Variants in PCNT observed in about 807,000 individuals in gnomAD.
PCNT encodes pericentrin, also known as kendrin.
A neutral mutation model predicts 380.4 loss-of-function variants in PCNT; 319 were observed. The observed-to-expected ratio is 0.84, with a 90% confidence interval of 0.77 to 0.92. The LOEUF is 0.92. Among genes scored for constraint, PCNT ranks in the 40% least tolerant of loss-of-function variants. PCNT has a pLI of 0.00. For missense variants in PCNT, 4,400 were observed against 4,255.3 expected, an observed-to-expected ratio of 1.03 and a Z score of -0.95; for synonymous variants, 1,845 against 1,735.2, an observed-to-expected ratio of 1.06 and a Z score of -1.57.
At chr21:46,405,243 A>G (rs1045231467) in intron 27 of PCNT, among the ~76,000 whole-genome samples, 9 of 152,226 alleles carry the variant, frequency 5.9e-5, no homozygotes, top group African/African-American at 1.9e-4. Flanking sequence ...AAAAAAAATA[A>G]TTTTGGAGGG....
In PCNT at chr21:46,431,342, C is replaced by T. The variant is rs1250314463; in HGVS notation, c.8065-187C>T. On this transcript the variant is annotated intron_variant, in intron 37 of 46. Transcript: ENST00000359568. ...ATTTCCGAAAAAAGTATGTCATCTC[C>T]GCAGTCTGGGTTTTTTGTTACTTGA... The T allele has an allele frequency of 3.7e-5, 53 of 1,449,440 alleles. No individual in the cohort carries two copies. The East Asian group carries it at 4.0e-4, about 11-fold the overall frequency. The allele number at this position is 1,449,440 out of a possible 1,614,324, so 89.8% of individuals were successfully genotyped here. A position where few individuals can be genotyped will look rare whatever the true frequency, so the allele number is the denominator to read the frequency against.
intron 27 of PCNT, 69 bp from the exon 28 acceptor site, chr21:46,411,120 G>C (rs898999348): frequency 7.0e-7 from 1 of 1,438,138 alleles, no homozygotes; most frequent in Non-Finnish European, 9.8e-7. Context: ...AGGATGTAAC[G>C]TGCCCTGAAG....
intron 13 of PCNT, among the ~76,000 whole-genome samples, chr21:46,361,700 C>T (rs1017087092): frequency 2.0e-5 from 3 of 152,146 alleles, no homozygotes; most frequent in Admixed American, 6.5e-5. Context: ...GGCGTCATTC[C>T]CTTCAGCGTG....
chr21:46,432,456 G>T (rs1182885083), intron 38 of PCNT, among the ~76,000 whole-genome samples: 1 of 152,206 alleles, frequency 6.6e-6, no homozygotes, highest in Non-Finnish European at 1.5e-5. Context: ...AGCTCTGTGG[G>T]GCTTCTTGCT....
intron 13 of PCNT, among the ~76,000 whole-genome samples, chr21:46,361,247 C>T (rs1334198609): frequency 2.0e-5 from 3 of 151,994 alleles, no homozygotes; most frequent in Admixed American, 6.6e-5. Context: ...AAAAATTAGG[C>T]GAGTATGGTG....
intron 3 of PCNT, among the ~76,000 whole-genome samples, chr21:46,343,545 A>T (rs147102923): frequency 6.6e-6 from 1 of 152,092 alleles, no homozygotes; most frequent in Non-Finnish European, 1.5e-5. Context: ...AGATTTTTGC[A>T]TCTATGTTCA....
chr21:46,363,466 T>G lies in PCNT; in HGVS notation c.2155-14T>G. 1.9e-6 allele frequency: 3 copies of G among 1,599,780 alleles called. No homozygotes were observed. The highest frequency in any genetic ancestry group is 1.7e-6 in the Non-Finnish European group (2 of 1,167,590). On this transcript the variant is annotated splice_polypyrimidine_tract_variant and intron_variant, in intron 13 of 46. Coordinates refer to ENST00000359568, the MANE Select transcript of PCNT (RefSeq NM_006031.6). ...TAGCGTCTTTCCTCCTAAATGAAATTATGTTGTCTGTAGGTAAAACACAAT... is the reference window on the plus strand; with the variant it reads ...TAGCGTCTTTCCTCCTAAATGAAATGATGTTGTCTGTAGGTAAAACACAAT...
chr21:46,327,081 G>C (rs926706157), intron 2 of PCNT, among the ~76,000 whole-genome samples: 9 of 150,502 alleles, frequency 6.0e-5, no homozygotes, highest in African/African-American at 2.2e-4. Context: ...ATTTTTTTGA[G>C]ATGGATTCTC....
chr21:46,399,847 C>A, intron 25 of PCNT, 51 bp downstream of exon 25: 9 of 1,481,348 alleles, frequency 6.1e-6, no homozygotes, highest in Non-Finnish European at 7.6e-6. Context: ...GTCCCGCAGG[C>A]ATGGCTTCAT....
chr21:46,340,857 A>G (rs1259917150), intron 3 of PCNT, among the ~76,000 whole-genome samples: 1 of 151,934 alleles, frequency 6.6e-6, no homozygotes, highest in African/African-American at 2.4e-5. Context: ...TTTTTTTAGT[A>G]GAGACGGGGT....
intron 32 of PCNT, among the ~76,000 whole-genome samples, chr21:46,424,189 G>T (rs913800112): frequency 1.3e-5 from 2 of 152,210 alleles, no homozygotes; most frequent in Admixed American, 6.5e-5. Flanking sequence ...ATGCTGAGGA[G>T]GCTGAGAGGT....
chr21:46,411,477 C>G lies in PCNT; in HGVS notation c.5404C>G (p.Leu1802Val), dbSNP rs1341239355. The change falls in exon 28 of 47, where the codon CTG (leucine) becomes GTG (valine). Residue 1802 changes from leucine (L) to valine (V), a missense_variant. Transcript: ENST00000359568. ...LEAALEAKEA[L>V]SRLLADQERR... ...GGCTGCGCTGGAAGCCAAGGAGGCCCTGAGCCGGCTGCTGGCTGACCAGGA... is the reference window on the plus strand; with the variant it reads ...GGCTGCGCTGGAAGCCAAGGAGGCCGTGAGCCGGCTGCTGGCTGACCAGGA... The G allele has an allele frequency of 5.6e-6, 9 of 1,609,548 alleles. No homozygotes were observed. Among genetic ancestry groups the G allele is most frequent in the Non-Finnish European group, 6.8e-6 (8 of 1,178,710 alleles).
chr21:46,420,402 T>G (rs2087202767), intron 31 of PCNT, among the ~76,000 whole-genome samples: 1 of 152,256 alleles, frequency 6.6e-6, no homozygotes, highest in Non-Finnish European at 1.5e-5. Flanking sequence ...GTGTTCTGTT[T>G]CTGTGCTCAT....
intron 43 of PCNT, among the ~76,000 whole-genome samples, 164 bp from the exon 44 acceptor site, chr21:46,442,333 C>T (rs1012130211): frequency 5.3e-5 from 8 of 151,962 alleles, no homozygotes; most frequent in Non-Finnish European, 1.0e-4. Flanking sequence ...TGTGTGCACC[C>T]GGCATGCCAG....
In PCNT at chr21:46,330,682, G is replaced by A. The variant is rs573656383; in HGVS notation, c.268-3715G>A. The stretch of plus-strand genomic sequence containing the variant: ...ATTTCATGATATTTGAGTTTAGTAT[G>A]CCTTTAATCCAGTTGTAGATGTTAA... On this transcript the variant is annotated intron_variant, in intron 2 of 46. Coordinates refer to ENST00000359568, the MANE Select transcript of PCNT (RefSeq NM_006031.6). Among the ~76,000 whole-genome samples, 268 of 152,216 alleles carry A rather than the reference G, an allele frequency of 1.8e-3. 1 individual carries two copies. The highest frequency in any genetic ancestry group is 0.011 in the South Asian group (55 of 4,822).
intron 32 of PCNT, among the ~76,000 whole-genome samples, chr21:46,424,457 G>A (rs75773105): frequency 0.041 from 6,310 of 152,294 alleles, 193 homozygotes; most frequent in Non-Finnish European, 0.063. Flanking sequence ...GTACCCACTG[G>A]TCTCTGCCCC....
intron 3 of PCNT, among the ~76,000 whole-genome samples, chr21:46,342,781 G>A (rs146791588): frequency 1.2e-4 from 18 of 152,168 alleles, no homozygotes; most frequent in South Asian, 6.2e-4. Flanking sequence ...CGCCTGCCTC[G>A]GCCTCCCAAA....
intron 12 of PCNT, among the ~76,000 whole-genome samples, chr21:46,356,536 G>A (rs2084484793): frequency 6.6e-6 from 1 of 152,236 alleles, no homozygotes; most frequent in South Asian, 2.1e-4. Context: ...AACAGCAGGG[G>A]GAGGTGCTGG....
intron 14 of PCNT, among the ~76,000 whole-genome samples, chr21:46,364,732 G>A (rs2084838772): frequency 6.6e-6 from 1 of 152,198 alleles, no homozygotes; most frequent in Non-Finnish European, 1.5e-5. Context: ...TTTCTCATCT[G>A]TCTGCCCCAC....
Sources: gnomAD v4.1 joint callset for allele counts (sites outside exome capture counted in the v4.1 genomes callset) on GRCh38, gnomAD v4.1.1 for gene constraint, MANE v1.5 for transcripts, NCBI Gene and HGNC (gene_info 2026-07-23, HGNC 2026-07-21) for gene names.